Variants in EIF1 observed in about 807,000 individuals in gnomAD.
The protein encoded by EIF1 is protein translation factor SUI1 homolog.
A neutral mutation model predicts 13.7 loss-of-function variants in EIF1; 4 were observed. The ratio of observed to expected loss-of-function variants is 0.29; its 90% confidence interval spans 0.14 to 0.67. EIF1 has a LOEUF of 0.67. Among genes scored for constraint, EIF1 ranks in the 30% least tolerant of loss-of-function variants. The probability of loss-of-function intolerance (pLI) is 0.77; values close to 1 mark genes in which losing one functional copy is unlikely to be tolerated. For synonymous variants in EIF1, 67 were observed against 50.7 expected (o/e 1.32, Z -1.37); for missense variants, 64 against 138.0 (o/e 0.46, Z 2.69).
At chr17:41,690,011 A>G in intron 2 of EIF1, 70 bp downstream of exon 2, 1 of 1,611,460 alleles carries the variant, frequency 6.2e-7, no homozygotes, top group Non-Finnish European at 8.5e-7. Context: ...GCTGTGTTGT[A>G]TGTATTGTTA....
chr17:41,689,562 G>A, intron 1 of EIF1: 1 of 510,002 alleles, frequency 2.0e-6, no homozygotes, highest in East Asian at 3.3e-5. Context: ...GGCTTCCCAG[G>A]GAGGGCGGGA....
At chr17:41,689,173 C>T (rs1910288783) in intron 1 of EIF1, 104 bp downstream of exon 1, 7 of 1,346,662 alleles carry the variant, frequency 5.2e-6, no homozygotes, top group East Asian at 2.3e-5. Flanking sequence ...TTCGTAAGCT[C>T]GGGCAGGGGA....
intron 2 of EIF1, 58 bp downstream of exon 2, chr17:41,689,999 C>G: frequency 6.2e-7 from 1 of 1,611,528 alleles, no homozygotes; most frequent in South Asian, 1.1e-5. Flanking sequence ...AAGGGGGTGC[C>G]AGCTGTGTTG....
At chr17:41,690,559 T>G (rs1009527857) in intron 3 of EIF1, 2 of 579,724 alleles carry the variant, frequency 3.4e-6, no homozygotes, top group South Asian at 4.7e-5. Flanking sequence ...TGAAGAGATT[T>G]CAGATACCTG....
chr17:41,688,912 A>G lies in EIF1; in HGVS notation c.-127A>G, dbSNP rs1489528834. ...CCCAGTCACTGAGCCGCCGCCGAGG[A>G]TTCAGCAGCCTCCCCCTTGAGCCCC... is the stretch of plus-strand genomic sequence containing the variant. On this transcript the variant is annotated 5_prime_UTR_variant, in exon 1 of 4. Coordinates refer to ENST00000469257, the MANE Select transcript of EIF1 (RefSeq NM_005801.4). 13 of 929,614 alleles carry G rather than the reference A, an allele frequency of 1.4e-5. No individual in the cohort carries two copies. Among genetic ancestry groups the G allele is most frequent in the African/African-American group, 1.1e-4 (7 of 61,466 alleles). 57.6% of individuals were successfully genotyped at this position (929,614 alleles called of 1,614,324 possible).
rs1452535489 is a variant in EIF1, at chr17:41,691,109, C to T, written c.*283C>T. On this transcript the variant is annotated 3_prime_UTR_variant, in exon 4 of 4. Coordinates refer to ENST00000469257, the MANE Select transcript of EIF1 (RefSeq NM_005801.4). ...CGTCATGTTTCAGCCAAGCCCAGAGCCCTAAGATTACAAACAACTATGGCC... is the reference window on the plus strand; with the variant it reads ...CGTCATGTTTCAGCCAAGCCCAGAGTCCTAAGATTACAAACAACTATGGCC... 1 of 544,280 alleles carries T rather than the reference C, an allele frequency of 1.8e-6. No individual in the cohort carries two copies. The highest frequency in any genetic ancestry group is 1.9e-5 in the African/African-American group (1 of 53,318). The allele number at this position is 544,280 out of a possible 1,614,324, so 33.7% of individuals were successfully genotyped here.
chr17:41,688,958 T>C lies in EIF1; in HGVS notation c.-81T>C. 6.8e-7 allele frequency: 1 copy of C among 1,475,504 alleles called. No individual in the cohort carries two copies. Among genetic ancestry groups the C allele is most frequent in the Non-Finnish European group, 9.4e-7 (1 of 1,062,680 alleles). 91.4% of individuals were successfully genotyped at this position (1,475,504 alleles called of 1,614,324 possible). A position where few individuals can be genotyped will look rare whatever the true frequency, so the allele number is the denominator to read the frequency against. On this transcript the variant is annotated 5_prime_UTR_variant, in exon 1 of 4. Coordinates refer to ENST00000469257, the MANE Select transcript of EIF1 (RefSeq NM_005801.4). ...GCCCCCTCGCTTCCCGACGTTCCGT[T>C]CCCCCCTGCCCGCCTTCTCCCGCCA...
chr17:41,688,976 TCCCGCCA>T lies in EIF1; in HGVS notation c.-60_-54del, dbSNP rs1249911289. ...GTTCCGTTCCCCCCTGCCCGCCTTC[TCCCGCCA>T]CCGCCGCCGCCGCCTTCCGCAGGCC... On this transcript the variant is annotated 5_prime_UTR_variant, in exon 1 of 4. Transcript: ENST00000469257. The T allele has an allele frequency of 1.3e-6, 2 of 1,583,610 alleles. No homozygotes were observed. The highest frequency in any genetic ancestry group is 2.7e-5 in the African/African-American group (2 of 73,650).
Position 41,691,157 on chromosome 17 carries a change from T to A in EIF1, c.*331T>A. 4.0e-6 allele frequency: 2 copies of A among 502,392 alleles called. No homozygotes were observed. The highest frequency in any genetic ancestry group is 3.5e-5 in the South Asian group (1 of 28,372). The allele number at this position is 502,392 out of a possible 1,614,324, so 31.1% of individuals were successfully genotyped here. A position where few individuals can be genotyped will look rare whatever the true frequency, so the allele number is the denominator to read the frequency against. On this transcript the variant is annotated 3_prime_UTR_variant, in exon 4 of 4. Coordinates refer to ENST00000469257, the MANE Select transcript of EIF1 (RefSeq NM_005801.4). ...GCCGGAACCTCCTCAGCTCTCCCTC[T>A]GCAGAGTTCCCTACCCTAAGAGAAT...
intron 1 of EIF1, 187 bp from the exon 2 acceptor site, chr17:41,689,591 G>A (rs1910309720): frequency 1.8e-6 from 1 of 544,348 alleles, no homozygotes; most frequent in Non-Finnish European, 3.1e-6. Flanking sequence ...CGTTCCCCGA[G>A]CCTGGGGAAG....
In EIF1 at chr17:41,692,330, G is replaced by A. The variant is rs966036530; in HGVS notation, c.*1504G>A. 6.6e-6 allele frequency: 1 copy of A among 152,192 alleles called. No individual in the cohort carries two copies. The highest frequency in any genetic ancestry group is 2.4e-5 in the African/African-American group (1 of 41,442). The allele number at this position is 152,192 out of a possible 1,614,324, so 9.4% of individuals were successfully genotyped here. A position where few individuals can be genotyped will look rare whatever the true frequency, so the allele number is the denominator to read the frequency against. On this transcript the variant is annotated 3_prime_UTR_variant, in exon 4 of 4. Transcript: ENST00000469257. ...GGGTAGTAAGTTTGTAGTATTAGAA[G>A]GTTTAATGACAAGTATTTGAAGAGC... is the stretch of plus-strand genomic sequence containing the variant.
chr17:41,690,466 T>C lies in EIF1; in HGVS notation c.297+277T>C, dbSNP rs1285744570. 7.3e-6 allele frequency: 4 copies of C among 551,098 alleles called. No individual in the cohort carries two copies. The East Asian group carries it at 1.2e-4, about 16-fold the overall frequency. 34.1% of individuals were successfully genotyped at this position (551,098 alleles called of 1,614,324 possible). ...AGCCAAATGCTGGGTTGTTCCTGTA[T>C]TTGTAAGGACATGAGTTTTTAAAAA... On this transcript the variant is annotated intron_variant, in intron 3 of 3. Coordinates refer to ENST00000469257, the MANE Select transcript of EIF1 (RefSeq NM_005801.4).
intron 1 of EIF1, 90 bp downstream of exon 1, chr17:41,689,159 G>A (rs1224260168): frequency 6.9e-7 from 1 of 1,450,894 alleles, no homozygotes; most frequent in East Asian, 2.3e-5. Context: ...AAGCGCTCCG[G>A]GCCTTCGTAA....
rs772316263 is a variant in EIF1, at chr17:41,690,889, C to G, written c.*63C>G. ...TTGCAATGAGTAGAATTTCCCTTCT[C>G]TCCCTTGTCACAGGTTTAAAAACCT... On this transcript the variant is annotated 3_prime_UTR_variant, in exon 4 of 4. Transcript: ENST00000469257. The G allele has an allele frequency of 1.4e-5, 22 of 1,583,888 alleles. No individual in the cohort carries two copies. The highest frequency in any genetic ancestry group is 1.9e-5 in the Non-Finnish European group (22 of 1,154,522).
chr17:41,690,492 T>A, intron 3 of EIF1: 1 of 549,552 alleles, frequency 1.8e-6, no homozygotes, highest in South Asian at 2.6e-5. Flanking sequence ...TTTTTAAAAA[T>A]GAATTTCCTG....
In EIF1 at chr17:41,690,091, T is replaced by G; in HGVS notation, c.199T>G (p.Phe67Val). 6.2e-7 allele frequency: 1 copy of G among 1,613,926 alleles called. No homozygotes were observed. Among genetic ancestry groups the G allele is most frequent in the Non-Finnish European group, 8.5e-7 (1 of 1,179,934 alleles). ...KKLVKAFKKK[F>V]ACNGTVIEHP... ...TCGTTTTCCTTTGTGCTTGCAGAAGTTTGCCTGCAATGGTACTGTAATTGA... is the reference window on the plus strand; with the variant it reads ...TCGTTTTCCTTTGTGCTTGCAGAAGGTTGCCTGCAATGGTACTGTAATTGA... The change falls in exon 3 of 4, where the codon TTT becomes GTT. Residue 67 changes from phenylalanine (F) to valine (V), a missense_variant. Around this residue, in one of 2 missense-constraint regions of EIF1, gnomAD observed 35 missense variants for 103.4 expected, o/e 0.34. Coordinates refer to ENST00000469257, the MANE Select transcript of EIF1 (RefSeq NM_005801.4).
intron 1 of EIF1, 129 bp downstream of exon 1, chr17:41,689,198 C>CGCAGGGCA: frequency 9.1e-7 from 1 of 1,097,912 alleles, no homozygotes; most frequent in Non-Finnish European, 1.3e-6. Flanking sequence ...TGACCAGGGT[C>CGCAGGGCA]GCAGGGCAGC....
In EIF1 at chr17:41,691,225, T is replaced by C. The variant is rs1910368117; in HGVS notation, c.*399T>C. On this transcript the variant is annotated 3_prime_UTR_variant, in exon 4 of 4. Transcript: ENST00000469257. Reference sequence around the variant, plus strand: ...CCTCGGTGAATCTGAGAGGAGAGGATGGGGTAAGGCAGAAGCACCAGCTGT... The same window carrying C: ...CCTCGGTGAATCTGAGAGGAGAGGACGGGGTAAGGCAGAAGCACCAGCTGT... 1 of 371,688 alleles carries C rather than the reference T, an allele frequency of 2.7e-6. No homozygotes were observed. Among genetic ancestry groups the C allele is most frequent in the Non-Finnish European group, 4.8e-6 (1 of 207,316 alleles). The allele number at this position is 371,688 out of a possible 1,614,324, so 23.0% of individuals were successfully genotyped here. A position where few individuals can be genotyped will look rare whatever the true frequency, so the allele number is the denominator to read the frequency against.
At position 41,691,049 on chromosome 17, in the gene EIF1, C is replaced by T. The variant is rs149841896; in HGVS notation, c.*223C>T. ...ATTTAAACAGAGGTCAAGCAATAGG[C>T]GCCTGGCAGTGTCAAGCCTGAAACC... On this transcript the variant is annotated 3_prime_UTR_variant, in exon 4 of 4. Transcript: ENST00000469257. 45 of 573,834 alleles carry T rather than the reference C, an allele frequency of 7.8e-5. No homozygotes were observed. The highest frequency in any genetic ancestry group is 6.1e-4 in the South Asian group (27 of 44,408). 35.5% of individuals were successfully genotyped at this position (573,834 alleles called of 1,614,324 possible).
Sources: allele counts gnomAD v4.1 joint callset, GRCh38; gene constraint gnomAD v4.1.1; regional missense constraint gnomAD v4.1.1; transcripts MANE v1.5; gene names NCBI Gene and HGNC (gene_info 2026-07-23, HGNC 2026-07-21).